TNPO3: variants seen among roughly 807,000 people sequenced by gnomAD.
TNPO3 encodes the protein transportin 3.
In TNPO3, 65 loss-of-function variants were observed where a neutral mutation model predicts 122.8. The ratio of observed to expected loss-of-function variants is 0.53; its 90% CI spans 0.43 to 0.65. The LOEUF is 0.65. Ranked by LOEUF, TNPO3 falls within the 30% of genes least tolerant of loss-of-function variation. The pLI is 0.00. For synonymous variants in TNPO3, 372 were observed against 411.2 expected (o/e 0.90, Z 1.15); for missense variants, 850 against 1,136.7 (o/e 0.75, Z 3.63).
chr7:128,980,027 T>C lies in TNPO3; in HGVS notation c.1864A>G (p.Thr622Ala), dbSNP rs1364507983. ...TGTCCATTTTCCACAATGGGATTGG[T>C]ATGCCTGGGAAAAGACAACAGCCCA... ...LDRLAVIFRH[T>A]NPIVENGQTH... Residue 622 changes from threonine to alanine, a missense_variant, in exon 15 of 23, where the codon ACC (threonine) becomes GCC (alanine). Coordinates refer to ENST00000265388, the MANE Select transcript of TNPO3 (RefSeq NM_012470.4). 6.2e-7 allele frequency: 1 copy of C among 1,614,088 alleles called. No individual in the cohort carries two copies. Among genetic ancestry groups the C allele is most frequent in the Admixed American group, 1.7e-5 (1 of 60,020 alleles).
chr7:128,997,251 G>T, intron 8 of TNPO3, 138 bp downstream of exon 8: 1 of 779,398 alleles, frequency 1.3e-6, no homozygotes, highest in Non-Finnish European at 2.0e-6. Context: ...CATCTGCCTT[G>T]GCCTCCCAAA....
At chr7:128,980,162 C>T (rs1325766711) in intron 14 of TNPO3, 131 bp from the exon 15 acceptor site, 1 of 780,948 alleles carries the variant, frequency 1.3e-6, no homozygotes, top group African/African-American at 1.7e-5. Flanking sequence ...AAGTCATTTA[C>T]TTACATCACC....
intron 16 of TNPO3, among the ~76,000 whole-genome samples, chr7:128,977,246 C>A (rs373353977): frequency 6.6e-6 from 1 of 152,202 alleles, no homozygotes; most frequent in East Asian, 1.9e-4. Context: ...ACTTAACTGG[C>A]AGGAATTAAA....
intron 4 of TNPO3, among the ~76,000 whole-genome samples, chr7:129,007,369 C>T (rs1802691385): frequency 6.6e-6 from 1 of 152,202 alleles, no homozygotes; most frequent in South Asian, 2.1e-4. Flanking sequence ...ATATCAAGGA[C>T]TTCCTATATT....
Position 129,025,245 on chromosome 7 carries a change from G to A in TNPO3, c.121-7088C>T, listed in dbSNP as rs111785708. Among the ~76,000 whole-genome samples the A allele has an allele frequency of 2.1e-3, 321 of 150,678 alleles. 4 individuals are homozygous for A. Among genetic ancestry groups the A allele is most frequent in the African/African-American group, 7.3e-3 (298 of 41,030 alleles). ...GGTGCCTGTAATCCCAGCTACTCAGGAGGCTGAGGCAGGAGAACTGCTTGA... is the reference window on the plus strand; with the variant it reads ...GGTGCCTGTAATCCCAGCTACTCAGAAGGCTGAGGCAGGAGAACTGCTTGA... On this transcript the variant is annotated intron_variant, in intron 1 of 22. Coordinates refer to ENST00000265388, the MANE Select transcript of TNPO3 (RefSeq NM_012470.4).
intron 11 of TNPO3, among the ~76,000 whole-genome samples, chr7:128,988,195 C>T (rs917383073): frequency 2.6e-5 from 4 of 152,014 alleles, no homozygotes; most frequent in Non-Finnish European, 5.9e-5. Context: ...AGGTTGGTCT[C>T]GAACTCTTGA....
At chr7:128,991,044 ACTAT>A (rs1020815437) in intron 10 of TNPO3, among the ~76,000 whole-genome samples, 10 of 152,194 alleles carry the variant, frequency 6.6e-5, no homozygotes, top group Admixed American at 1.3e-4. Flanking sequence ...ATTAACGAAG[ACTAT>A]CTAGCCATCA....
chr7:128,967,790 G>T (rs1798070391), intron 20 of TNPO3, among the ~76,000 whole-genome samples: 1 of 152,034 alleles, frequency 6.6e-6, no homozygotes, highest in Admixed American at 6.6e-5. Context: ...TTGAGATAGG[G>T]TCTCACTCTG....
rs969795483 is a variant in TNPO3 at position 128,955,087 on chromosome 7, CT to C, written c.*329del. On this transcript the variant is annotated 3_prime_UTR_variant, in exon 23 of 23. Coordinates refer to ENST00000265388, the MANE Select transcript of TNPO3 (RefSeq NM_012470.4). ...CAGTTCTGGTTTCTGTTTAGTCTTC[CT>C]TTTTTTTCTTTTTTCTTTACTTAAA... 20 of 326,414 alleles carry C rather than the reference CT, an allele frequency of 6.1e-5. No individual in the cohort carries two copies. Among genetic ancestry groups the C allele is most frequent in the African/African-American group, 2.5e-4 (11 of 44,738 alleles). The allele number at this position is 326,414 out of a possible 1,614,324, so 20.2% of individuals were successfully genotyped here.
chr7:129,041,940 T>G (rs1017265390), intron 1 of TNPO3, among the ~76,000 whole-genome samples: 3 of 152,200 alleles, frequency 2.0e-5, no homozygotes. Context: ...CTTTTTTGTT[T>G]AATGGTGCAC....
intron 1 of TNPO3, among the ~76,000 whole-genome samples, chr7:129,032,727 ATC>A (rs1241904210): frequency 1.3e-5 from 2 of 152,320 alleles, no homozygotes; most frequent in East Asian, 3.9e-4. Context: ...AATGAAAGAC[ATC>A]TCATGTTCAC....
intron 21 of TNPO3, among the ~76,000 whole-genome samples, chr7:128,958,113 A>AAGC (rs1328345793): frequency 3.3e-5 from 5 of 151,246 alleles, no homozygotes; most frequent in African/African-American, 1.2e-4. Context: ...CTAAAAGCTA[A>AAGC]AGCAGTGGAG....
chr7:129,021,006 C>A (rs1419858204), intron 1 of TNPO3, among the ~76,000 whole-genome samples: 2 of 152,038 alleles, frequency 1.3e-5, no homozygotes, highest in Non-Finnish European at 2.9e-5. Flanking sequence ...ACACCAAGAA[C>A]CAACAGAGAT....
At chr7:129,014,037 ATACG>A (rs1170851790) in intron 4 of TNPO3, among the ~76,000 whole-genome samples, 1 of 152,200 alleles carries the variant, frequency 6.6e-6, no homozygotes, top group Non-Finnish European at 1.5e-5. Flanking sequence ...AATAGAAAGG[ATACG>A]TTATAGTGTT....
At chr7:128,972,183 T>C (rs1458646196) in intron 19 of TNPO3, among the ~76,000 whole-genome samples, 1 of 152,222 alleles carries the variant, frequency 6.6e-6, no homozygotes, top group Non-Finnish European at 1.5e-5. Context: ...AACTTGTTTC[T>C]CTCTTCAACT....
chr7:129,014,597 C>A (rs1168971111), intron 4 of TNPO3, among the ~76,000 whole-genome samples: 1 of 152,058 alleles, frequency 6.6e-6, no homozygotes, highest in Non-Finnish European at 1.5e-5. Context: ...AGAAAGGATC[C>A]TTTCTTAGTA....
At chr7:129,023,234 AC>A (rs1415427660) in intron 1 of TNPO3, among the ~76,000 whole-genome samples, 1 of 152,050 alleles carries the variant, frequency 6.6e-6, no homozygotes, top group African/African-American at 2.4e-5. Flanking sequence ...TAAGTTAAAA[AC>A]TTTATAGTGC....
rs1342646910 is a variant in TNPO3, at chr7:128,954,383, T to C, written c.*1034A>G. 6.6e-6 allele frequency: 1 copy of C among 152,198 alleles called. No homozygotes were observed. The highest frequency in any genetic ancestry group is 1.5e-5 in the Non-Finnish European group (1 of 68,038). The allele number at this position is 152,198 out of a possible 1,614,324, so 9.4% of individuals were successfully genotyped here. The stretch of plus-strand genomic sequence containing the variant: ...ATCAAGTCATTTCCACACTTTTTAG[T>C]AACATACTAAATGACACATCATCCC... On this transcript the variant is annotated 3_prime_UTR_variant, in exon 23 of 23. Coordinates refer to ENST00000265388, the MANE Select transcript of TNPO3 (RefSeq NM_012470.4).
At chr7:128,986,356 T>C (rs935226989) in intron 12 of TNPO3, among the ~76,000 whole-genome samples, 1 of 152,206 alleles carries the variant, frequency 6.6e-6, no homozygotes, top group Non-Finnish European at 1.5e-5. Flanking sequence ...ATGGCACTGA[T>C]CCATGTATAC....
Sources: allele counts gnomAD v4.1 joint callset (sites outside exome capture counted in the v4.1 genomes callset), GRCh38; gene constraint gnomAD v4.1.1; transcripts MANE v1.5; gene names NCBI Gene and HGNC (gene_info 2026-07-23, HGNC 2026-07-21).